VLDLR: variants seen among roughly 807,000 people sequenced by gnomAD.
VLDLR encodes very low density lipoprotein receptor, also known as very low-density lipoprotein receptor.
A neutral mutation model predicts 112.7 loss-of-function variants in VLDLR; 81 were observed. The observed-to-expected ratio is 0.72, with a 90% CI of 0.60 to 0.86. The LOEUF is 0.86. VLDLR is among the 40% of genes least tolerant of loss of function. The pLI is 0.00. For synonymous variants in VLDLR, 436 were observed against 384.8 expected, an observed-to-expected ratio of 1.13 and a Z score of -1.56; for missense variants, 1,237 against 1,099.4, an observed-to-expected ratio of 1.13 and a Z score of -1.77.
rs1818678350 is a variant in VLDLR at position 2,658,303 on chromosome 9, C to A, written c.*4435C>A. 1 of 152,174 alleles carries A rather than the reference C, an allele frequency of 6.6e-6. No individual in the cohort carries two copies. Among genetic ancestry groups the A allele is most frequent in the Non-Finnish European group, 1.5e-5 (1 of 68,040 alleles). The allele number at this position is 152,174 out of a possible 1,614,324, so 9.4% of individuals were successfully genotyped here. A position where few individuals can be genotyped will look rare whatever the true frequency, so the allele number is the denominator to read the frequency against. On this transcript the variant is annotated 3_prime_UTR_variant, in exon 19 of 19. Transcript: ENST00000382100. ...CATCTCTCTATCATGTCTCCTGAGT[C>A]CGTTTCACGTTTTTGAGCCTGGCTA...
intron 7 of VLDLR, among the ~76,000 whole-genome samples, chr9:2,644,448 C>G (rs1464984301): frequency 6.6e-6 from 1 of 151,392 alleles, no homozygotes; most frequent in Non-Finnish European, 1.5e-5. Context: ...GGATTACAGG[C>G]ATGAGCCACC....
intron 2 of VLDLR, among the ~76,000 whole-genome samples, chr9:2,635,788 C>T (rs1817577740): frequency 6.6e-6 from 1 of 151,968 alleles, no homozygotes; most frequent in South Asian, 2.1e-4. Flanking sequence ...AATGACAGGA[C>T]CTAGTTTATC....
chr9:2,635,691 A>T, intron 2 of VLDLR, 119 bp downstream of exon 2: 4 of 1,477,348 alleles, frequency 2.7e-6, no homozygotes, highest in South Asian at 2.3e-5. Flanking sequence ...GAAAGAATCT[A>T]TACTTCTCTG....
intron 1 of VLDLR, among the ~76,000 whole-genome samples, chr9:2,623,821 G>A (rs1253523726): frequency 6.6e-6 from 1 of 152,144 alleles, no homozygotes; most frequent in Non-Finnish European, 1.5e-5. Flanking sequence ...AGTGAACATG[G>A]AATCTGATGT....
intron 10 of VLDLR, 102 bp from the exon 11 acceptor site, chr9:2,646,232 C>A: frequency 8.9e-7 from 1 of 1,117,414 alleles, no homozygotes; most frequent in Non-Finnish European, 1.3e-6. Context: ...AACTGGATTT[C>A]TTTCTGAACA....
At chr9:2,623,012 G>A (rs1464065122) in intron 1 of VLDLR, among the ~76,000 whole-genome samples, 1 of 152,232 alleles carries the variant, frequency 6.6e-6, no homozygotes, top group Non-Finnish European at 1.5e-5. Flanking sequence ...TGAACGCGGA[G>A]GGGGAGTGGA....
intron 6 of VLDLR, 31 bp downstream of exon 6, chr9:2,643,781 G>A (rs1375658508): frequency 3.1e-6 from 5 of 1,614,052 alleles, no homozygotes; most frequent in South Asian, 1.1e-5. Flanking sequence ...GTTAAGCAAT[G>A]GATTGCTCTG....
In VLDLR at chr9:2,657,073, G is replaced by T. The variant is rs1169317768; in HGVS notation, c.*3205G>T. On this transcript the variant is annotated 3_prime_UTR_variant, in exon 19 of 19. Transcript: ENST00000382100. ...CCAAGCTTTAAATAGCAAACTACAGGGTATTAAAAGACTAACTCTTCAGTT... is the reference window on the plus strand; with the variant it reads ...CCAAGCTTTAAATAGCAAACTACAGTGTATTAAAAGACTAACTCTTCAGTT... The T allele has an allele frequency of 6.6e-6, 1 of 151,828 alleles. No homozygotes were observed. The highest frequency in any genetic ancestry group is 1.5e-5 in the Non-Finnish European group (1 of 67,994). 9.4% of individuals were successfully genotyped at this position (151,828 alleles called of 1,614,324 possible). A position where few individuals can be genotyped will look rare whatever the true frequency, so the allele number is the denominator to read the frequency against.
intron 3 of VLDLR, among the ~76,000 whole-genome samples, chr9:2,640,461 T>A (rs994373271): frequency 5.3e-4 from 80 of 152,158 alleles, no homozygotes; most frequent in African/African-American, 1.7e-3. Flanking sequence ...ACATGTAACC[T>A]CAAGTTACTA....
chr9:2,645,491 T>G, intron 9 of VLDLR, 83 bp from the exon 10 acceptor site: 1 of 1,490,276 alleles, frequency 6.7e-7, no homozygotes, highest in Non-Finnish European at 9.4e-7. Flanking sequence ...ATTTTCTAAG[T>G]GCTCCTCTGC....
At chr9:2,633,160 G>C (rs149385509) in intron 1 of VLDLR, among the ~76,000 whole-genome samples, 2 of 150,326 alleles carry the variant, frequency 1.3e-5, no homozygotes, top group South Asian at 2.2e-4. Context: ...GAAATATCTC[G>C]GATAAGAAAA....
Position 2,621,902 on chromosome 9 carries a change from C to T in VLDLR, c.-288C>T. 1 of 627,110 alleles carries T rather than the reference C, an allele frequency of 1.6e-6. No homozygotes were observed. Among genetic ancestry groups the T allele is most frequent in the Non-Finnish European group, 2.9e-6 (1 of 339,320 alleles). The allele number at this position is 627,110 out of a possible 1,614,324, so 38.8% of individuals were successfully genotyped here. A position where few individuals can be genotyped will look rare whatever the true frequency, so the allele number is the denominator to read the frequency against. ...TCTCCCTTCCCTCCTCTCCCCTTGC[C>T]TCCCCTCCTCTGCAGCGCCTGCATT... On this transcript the variant is annotated 5_prime_UTR_variant, in exon 1 of 19. Coordinates refer to ENST00000382100, the MANE Select transcript of VLDLR (RefSeq NM_003383.5).
chr9:2,644,933 G>T, intron 8 of VLDLR, 24 bp from the exon 9 acceptor site: 1 of 1,614,150 alleles, frequency 6.2e-7, no homozygotes, highest in South Asian at 1.1e-5. Context: ...GGAGCAGCAA[G>T]ACTAATTCTG....
intron 4 of VLDLR, among the ~76,000 whole-genome samples, chr9:2,642,659 G>A (rs1175664345): frequency 1.3e-5 from 2 of 152,152 alleles, no homozygotes; most frequent in Admixed American, 1.3e-4. Context: ...TTTAAGACTT[G>A]TTATTCCTGA....
In VLDLR at chr9:2,653,963, C is replaced by A; in HGVS notation, c.*95C>A. 2 of 1,324,528 alleles carry A rather than the reference C, an allele frequency of 1.5e-6. No individual in the cohort carries two copies. The highest frequency in any genetic ancestry group is 2.2e-6 in the Non-Finnish European group (2 of 918,754). 82.0% of individuals were successfully genotyped at this position (1,324,528 alleles called of 1,614,324 possible). A position where few individuals can be genotyped will look rare whatever the true frequency, so the allele number is the denominator to read the frequency against. Reference sequence around the variant, plus strand: ...GCAGCTGAAGTCTCTTTTTCTTCCTCTCGGCTGGAAGAACATCAAGATACC... The same window carrying A: ...GCAGCTGAAGTCTCTTTTTCTTCCTATCGGCTGGAAGAACATCAAGATACC... On this transcript the variant is annotated 3_prime_UTR_variant, in exon 19 of 19. Coordinates refer to ENST00000382100, the MANE Select transcript of VLDLR (RefSeq NM_003383.5).
At chr9:2,649,527 G>T (rs1335243828) in intron 14 of VLDLR, among the ~76,000 whole-genome samples, 1 of 152,146 alleles carries the variant, frequency 6.6e-6, no homozygotes, top group African/African-American at 2.4e-5. Flanking sequence ...GAGTAGCTGG[G>T]ACTACAGGAG....
rs1469019363 is a variant in VLDLR, at chr9:2,639,988, G to A, written c.325+7G>A. On this transcript the variant is annotated splice_region_variant and intron_variant, in intron 3 of 18. Coordinates refer to ENST00000382100, the MANE Select transcript of VLDLR (RefSeq NM_003383.5). The stretch of plus-strand genomic sequence containing the variant: ...GAAAGCCCAGAACAGTGCCGTGAGT[G>A]TAACTTGCTTTGGCCTTGAACTTTG... 1 of 1,614,204 alleles carries A rather than the reference G, an allele frequency of 6.2e-7. No individual in the cohort carries two copies. Among genetic ancestry groups the A allele is most frequent in the Non-Finnish European group, 8.5e-7 (1 of 1,180,032 alleles).
At chr9:2,628,866 CAT>C (rs912812434) in intron 1 of VLDLR, among the ~76,000 whole-genome samples, 3 of 152,140 alleles carry the variant, frequency 2.0e-5, no homozygotes, top group Non-Finnish European at 4.4e-5. Context: ...ATGTTACTAT[CAT>C]GTGTATTGTA....
At chr9:2,650,904 A>G (rs533458832) in intron 15 of VLDLR, among the ~76,000 whole-genome samples, 1 of 152,344 alleles carries the variant, frequency 6.6e-6, no homozygotes. Flanking sequence ...CTACCCTAAA[A>G]TAACACTTAG....
Sources: gnomAD v4.1 joint callset for allele counts (sites outside exome capture counted in the v4.1 genomes callset) on GRCh38, gnomAD v4.1.1 for gene constraint, MANE v1.5 for transcripts, NCBI Gene and HGNC (gene_info 2026-07-23, HGNC 2026-07-21) for gene names.